Variants in SUGCT observed in about 807,000 individuals in gnomAD.
SUGCT encodes the protein succinyl-CoA:glutarate-CoA transferase.
Under a neutral mutation model 55.0 loss-of-function variants are expected in SUGCT, and 41 were observed. The observed-to-expected ratio is 0.74, with a 90% CI of 0.58 to 0.97. The LOEUF is 0.97. Among genes scored for constraint, SUGCT ranks in the 50% least tolerant of loss-of-function variants. SUGCT has a pLI of 0.00. For missense variants in SUGCT, 568 were observed against 547.8 expected, an observed-to-expected ratio of 1.04 and a Z score of -0.37; for synonymous variants, 187 against 200.4, an observed-to-expected ratio of 0.93 and a Z score of 0.56.
chr7:40,859,940 T>C (rs1794402302), intron 13 of SUGCT, among the ~76,000 whole-genome samples: 1 of 152,206 alleles, frequency 6.6e-6, no homozygotes, highest in South Asian at 2.1e-4. Flanking sequence ...AATTTCCAGC[T>C]TCAGAGAGAC....
At chr7:40,352,385 G>A (rs1562706038) in intron 9 of SUGCT, among the ~76,000 whole-genome samples, 1 of 152,050 alleles carries the variant, frequency 6.6e-6, no homozygotes, top group Non-Finnish European at 1.5e-5. Context: ...TAAGTTGTGT[G>A]TCACTGGAGT....
At chr7:40,579,798 C>G (rs1796975606) in intron 12 of SUGCT, among the ~76,000 whole-genome samples, 1 of 152,226 alleles carries the variant, frequency 6.6e-6, no homozygotes, top group East Asian at 1.9e-4. Context: ...AGCTGACATA[C>G]CCAATGTGAG....
chr7:40,879,790 C>T, the SUGCT span, among the ~76,000 whole-genome samples: 31,615 of 152,170 alleles, frequency 0.21, 3,672 homozygotes, highest in Admixed American at 0.27. Flanking sequence ...GTGCTTTGGC[C>T]TCTCTCCATG....
intron 12 of SUGCT, among the ~76,000 whole-genome samples, chr7:40,565,041 T>G (rs1796049280): frequency 6.6e-6 from 1 of 152,210 alleles, no homozygotes; most frequent in South Asian, 2.1e-4. Context: ...GAAACTGGAT[T>G]CTGAAGAAGT....
intron 12 of SUGCT, among the ~76,000 whole-genome samples, chr7:40,570,414 C>T (rs1796378971): frequency 6.6e-6 from 1 of 152,142 alleles, no homozygotes; most frequent in Non-Finnish European, 1.5e-5. Context: ...TGAGCTGTCC[C>T]TGAGGTGGGA....
chr7:40,485,450 C>T lies in SUGCT; in HGVS notation c.987-10834C>T, dbSNP rs1475560365. On this transcript the variant is annotated intron_variant, in intron 11 of 13. Coordinates refer to ENST00000335693, the MANE Select transcript of SUGCT (RefSeq NM_001193313.2). ...TTTTTTTTTTTTTTTTTTGGAGACT[C>T]GGTCTTGCTCTTTCACCCAGGCTGG... Among the ~76,000 whole-genome samples, 9 of 97,236 alleles carry T rather than the reference C, an allele frequency of 9.3e-5. 1 individual carries two copies. The highest frequency in any genetic ancestry group is 1.6e-4 in the African/African-American group (4 of 24,692). 63.8% of individuals were successfully genotyped at this position (97,236 alleles called of 152,430 possible). A position where few individuals can be genotyped will look rare whatever the true frequency, so the allele number is the denominator to read the frequency against.
intron 7 of SUGCT, among the ~76,000 whole-genome samples, chr7:40,260,227 T>C (rs746636230): frequency 4.0e-4 from 61 of 152,322 alleles, no homozygotes; most frequent in Admixed American, 5.2e-4. Flanking sequence ...CTTCTGTATG[T>C]TTTTACTTAT....
At chr7:40,484,722 A>G (rs899490050) in intron 11 of SUGCT, among the ~76,000 whole-genome samples, 3 of 152,158 alleles carry the variant, frequency 2.0e-5, no homozygotes, top group East Asian at 3.9e-4. Flanking sequence ...TGCCTGGTAC[A>G]TAAAAGGCTT....
chr7:40,490,858 C>A (rs924033628), intron 11 of SUGCT, among the ~76,000 whole-genome samples: 1 of 152,042 alleles, frequency 6.6e-6, no homozygotes, highest in Non-Finnish European at 1.5e-5. Context: ...GCAAGATTTT[C>A]TGCAAGACAT....
chr7:40,797,985 A>G (rs528435341), intron 13 of SUGCT, among the ~76,000 whole-genome samples: 78 of 152,212 alleles, frequency 5.1e-4, no homozygotes, highest in African/African-American at 1.8e-3. Flanking sequence ...TGCATGACCT[A>G]TGTTATTTCC....
chr7:40,841,722 A>T (rs141686292), intron 13 of SUGCT, among the ~76,000 whole-genome samples: 1 of 152,172 alleles, frequency 6.6e-6, no homozygotes, highest in Admixed American at 6.5e-5. Context: ...TGAAGTTTCA[A>T]TGTGGAAAGA....
intron 6 of SUGCT, among the ~76,000 whole-genome samples, chr7:40,198,523 G>C (rs1377857329): frequency 6.6e-6 from 1 of 152,188 alleles, no homozygotes; most frequent in East Asian, 1.9e-4. Flanking sequence ...CATGAGTTGT[G>C]AGTTTGTGTG....
intron 12 of SUGCT, among the ~76,000 whole-genome samples, chr7:40,668,940 C>T (rs1396328675): frequency 6.6e-6 from 1 of 152,196 alleles, no homozygotes; most frequent in African/African-American, 2.4e-5. Flanking sequence ...ACCCCCCTGA[C>T]AGGGTGTTCA....
At chr7:40,412,548 A>G (rs1043206572) in intron 9 of SUGCT, among the ~76,000 whole-genome samples, 21 of 152,152 alleles carry the variant, frequency 1.4e-4, no homozygotes, top group African/African-American at 4.8e-4. Flanking sequence ...GTTTTGTCGA[A>G]TTTGTTTAGA....
intron 12 of SUGCT, among the ~76,000 whole-genome samples, chr7:40,530,708 G>A (rs927031918): frequency 1.3e-4 from 20 of 152,212 alleles, no homozygotes; most frequent in Admixed American, 8.5e-4. Flanking sequence ...CACAAATGAA[G>A]TCACATCATT....
chr7:41,009,938 T>C, the SUGCT span, among the ~76,000 whole-genome samples: 1 of 152,192 alleles, frequency 6.6e-6, no homozygotes, highest in Non-Finnish European at 1.5e-5. Flanking sequence ...ACAAAGAAAC[T>C]TCCCTTGAGA....
At position 40,531,646 on chromosome 7, in the gene SUGCT, A is replaced by G. The variant is rs570735213; in HGVS notation, c.1089+35260A>G. Among the ~76,000 whole-genome samples, 253 of 151,808 alleles carry G rather than the reference A, an allele frequency of 1.7e-3. 1 individual carries two copies. The highest frequency in any genetic ancestry group is 5.9e-3 in the African/African-American group (246 of 41,498). ...AAGTTGTATTGAGTATGAGACAAAT[A>G]TATTTTAAAATATGTATATATATTT... is the stretch of plus-strand genomic sequence containing the variant. On this transcript the variant is annotated intron_variant, in intron 12 of 13. Transcript: ENST00000335693.
chr7:40,287,714 G>T (rs1486757587), intron 8 of SUGCT, among the ~76,000 whole-genome samples: 1 of 152,018 alleles, frequency 6.6e-6, no homozygotes, highest in African/African-American at 2.4e-5. Context: ...GCCCATGCTG[G>T]TCTCAAACTC....
rs57348487 is a variant in SUGCT at position 40,249,313 on chromosome 7, C to CTATATATATATATATATATATATATA, written c.576+11596_576+11621dup. Among the ~76,000 whole-genome samples the CTATATATATATATATATATATATATA allele has an allele frequency of 1.3e-4, 10 of 79,508 alleles. No homozygotes were observed. In the East Asian group the frequency reaches 1.3e-3, roughly 10 times the overall value. 52.2% of individuals were successfully genotyped at this position (79,508 alleles called of 152,430 possible). A position where few individuals can be genotyped will look rare whatever the true frequency, so the allele number is the denominator to read the frequency against. ...TCTTAAAACAAAAAACACCAAAAAG[C>CTATATATATATATATATATATATATA]TATATATATATATATATATATATAT... On this transcript the variant is annotated intron_variant, in intron 7 of 13. Coordinates refer to ENST00000335693, the MANE Select transcript of SUGCT (RefSeq NM_001193313.2).
Sources: gnomAD v4.1 joint callset for allele counts (sites outside exome capture counted in the v4.1 genomes callset) on GRCh38, gnomAD v4.1.1 for gene constraint, MANE v1.5 for transcripts, NCBI Gene and HGNC (gene_info 2026-07-23, HGNC 2026-07-21) for gene names.